ATM: variants seen among roughly 807,000 people sequenced by gnomAD.
The protein encoded by ATM is serine-protein kinase ATM.
In ATM, 308 loss-of-function variants were observed where a neutral mutation model predicts 387.0. That is an observed-to-expected ratio of 0.80 (90% confidence interval 0.73 to 0.87). The LOEUF (loss-of-function observed/expected upper bound fraction) is 0.87, where lower values mean the gene tolerates loss of function less well. ATM is among the 40% of genes least tolerant of loss of function. The probability of loss-of-function intolerance (pLI) is 0.00; values close to 1 mark genes in which losing one functional copy is unlikely to be tolerated. For missense variants in ATM, 3,312 were observed against 3,560.9 expected (o/e 0.93, Z 1.78); for synonymous variants, 1,156 against 1,187.3 (o/e 0.97, Z 0.54).
Position 108,330,465 on chromosome 11 carries a change from CTT to C in ATM, c.7515+45_7515+46del, listed in dbSNP as rs3092832. 1,580 of 1,592,908 alleles carry C rather than the reference CTT, an allele frequency of 9.9e-4. No individual in the cohort carries two copies. The highest frequency in any genetic ancestry group is 1.3e-3 in the Non-Finnish European group (1,489 of 1,161,184). On this transcript the variant is annotated intron_variant, in intron 50 of 62. Transcript: ENST00000675843. The stretch of plus-strand genomic sequence containing the variant: ...AATATTCTACCCTGTGCTTGAAAAA[CTT>C]AGACATAAGCCCCTTGATGTCAGGA...
chr11:108,315,534 G>A (rs984969344), intron 40 of ATM, among the ~76,000 whole-genome samples: 3 of 151,734 alleles, frequency 2.0e-5, no homozygotes, highest in Admixed American at 6.6e-5. Flanking sequence ...TTTTTCAGTA[G>A]TTCTAAACTG....
At chr11:108,257,644 G>C (rs2135409247) in intron 15 of ATM, 38 bp downstream of exon 15, 1 of 1,598,138 alleles carries the variant, frequency 6.3e-7, no homozygotes, top group East Asian at 2.2e-5. Flanking sequence ...TTTTGAGATA[G>C]GATCTTTCTC....
In ATM at chr11:108,248,947, T is replaced by G. The variant is rs199869975; in HGVS notation, c.1080T>G (p.Asp360Glu). Residue 360 changes from aspartate to glutamate, a missense_variant, in exon 9 of 63, where the codon GAT becomes GAG. By Grantham distance (45) the Asp-to-Glu change is conservative (BLOSUM62 2). This residue lies in a region of ATM where 1,791 missense variants were observed against 1,804.5 expected (regional missense o/e 0.99). Coordinates refer to ENST00000675843, the MANE Select transcript of ATM (RefSeq NM_000051.4). Reference protein sequence around the residue: ...ADICHQVFNEDTRSLEISQSY... With the variant: ...ADICHQVFNEETRSLEISQSY... ...TTATTTTACAGGTTTTTAATGAAGA[T>G]ACCAGATCCTTGGAGATTTCTCAAT... The G allele has an allele frequency of 2.5e-6, 4 of 1,609,270 alleles. No homozygotes were observed. Among genetic ancestry groups the G allele is most frequent in the Admixed American group, 1.7e-5 (1 of 59,740 alleles).
chr11:108,309,177 C>T, intron 38 of ATM: 1 of 589,056 alleles, frequency 1.7e-6, no homozygotes, highest in Middle Eastern at 4.5e-4. Flanking sequence ...GTATGTTGGG[C>T]AAAAACAAAG....
chr11:108,333,825 T>G (rs1161015268), intron 53 of ATM, 61 bp from the exon 54 acceptor site: 13 of 1,324,764 alleles, frequency 9.8e-6, no homozygotes, highest in Non-Finnish European at 1.1e-5. Flanking sequence ...TGACTATTCC[T>G]GCTTGACCTT....
At chr11:108,272,353 C>G (rs1044961791) in intron 20 of ATM, among the ~76,000 whole-genome samples, 179 bp from the exon 21 acceptor site, 1 of 152,186 alleles carries the variant, frequency 6.6e-6, no homozygotes, top group African/African-American at 2.4e-5. Flanking sequence ...TTCTTTTACA[C>G]TAATTTCTTT....
chr11:108,233,855 A>G (rs565348681), intron 4 of ATM, among the ~76,000 whole-genome samples: 5 of 139,774 alleles, frequency 3.6e-5, no homozygotes, highest in Non-Finnish European at 8.0e-5. Flanking sequence ...TCTCAAAAAC[A>G]AGCAAAACTA....
At chr11:108,233,569 CAAAAAAAAAAA>C (rs531411723) in intron 4 of ATM, among the ~76,000 whole-genome samples, 4 of 50,922 alleles carry the variant, frequency 7.9e-5, no homozygotes, top group Non-Finnish European at 1.6e-4. Context: ...ATCCTGTGTC[CAAAAAAAAAAA>C]AAAAAAAAAA....
Position 108,284,384 on chromosome 11 carries a change from G to A in ATM, c.3904G>A (p.Gly1302Ser), listed in dbSNP as rs2135707999. The change falls in exon 26 of 63, where the codon GGT (glycine) becomes AGT (serine). Residue 1302 changes from glycine (G) to serine (S), a missense_variant. Around this residue, in one of 4 missense-constraint regions of ATM, gnomAD observed 1,791 missense variants for 1,804.5 expected, o/e 0.99. Coordinates refer to ENST00000675843, the MANE Select transcript of ATM (RefSeq NM_000051.4). ...TATTCTTCCTTATTTTGCCTATGAGGGTACCAGAGACAGTGGGATGGCACA... is the reference window on the plus strand; with the variant it reads ...TATTCTTCCTTATTTTGCCTATGAGAGTACCAGAGACAGTGGGATGGCACA... Reference protein sequence around the residue: ...VNILPYFAYEGTRDSGMAQQR... With the variant: ...VNILPYFAYESTRDSGMAQQR... 2 of 1,613,826 alleles carry A rather than the reference G, an allele frequency of 1.2e-6. No homozygotes were observed. Among genetic ancestry groups the A allele is most frequent in the Non-Finnish European group, 1.7e-6 (2 of 1,179,910 alleles).
At chr11:108,256,446 C>A (rs2135397064) in intron 14 of ATM, 106 bp downstream of exon 14, 2 of 1,185,994 alleles carry the variant, frequency 1.7e-6, no homozygotes, top group Non-Finnish European at 2.4e-6. Flanking sequence ...TGCAGGTTAA[C>A]CCTTTCTCTT....
intron 23 of ATM, 134 bp from the exon 24 acceptor site, chr11:108,280,861 A>G (rs775154993): frequency 2.0e-5 from 15 of 744,926 alleles, no homozygotes; most frequent in Non-Finnish European, 3.0e-5. Context: ...AAAAGACAGA[A>G]CTAGGATTAG....
In ATM at chr11:108,295,030, A is replaced by T. The variant is rs786203857; in HGVS notation, c.4880A>T (p.Gln1627Leu). ...LRRQLELHKD[Q>L]MVDIMRASQD... ...AGACAACTGGAACTACATAAAGATCAGATGGTGGACATTATGAGAGCTTCT... is the reference window on the plus strand; with the variant it reads ...AGACAACTGGAACTACATAAAGATCTGATGGTGGACATTATGAGAGCTTCT... The change falls in exon 32 of 63, where the codon CAG becomes CTG. Residue 1627 changes from glutamine (Q) to leucine (L), a missense_variant. Coordinates refer to ENST00000675843, the MANE Select transcript of ATM (RefSeq NM_000051.4). 2 of 1,613,878 alleles carry T rather than the reference A, an allele frequency of 1.2e-6. No individual in the cohort carries two copies. The highest frequency in any genetic ancestry group is 1.7e-6 in the Non-Finnish European group (2 of 1,179,916).
In ATM at chr11:108,332,765, C is replaced by T. The variant is rs138941496; in HGVS notation, c.7792C>T (p.Arg2598Ter). 4 of 1,612,056 alleles carry T rather than the reference C, an allele frequency of 2.5e-6. No homozygotes were observed. The highest frequency in any genetic ancestry group is 1.7e-5 in the Admixed American group (1 of 59,960). The change falls in exon 53 of 63, where the codon CGA becomes TGA. Residue 2598 changes from arginine (R) to a stop codon, truncating the protein, a stop_gained. Coordinates refer to ENST00000675843, the MANE Select transcript of ATM (RefSeq NM_000051.4). LOFTEE classifies it high-confidence loss of function. ...PKQSSQLDED[R>*]TEAANRIICT... ...GTTTTTTGTTTTTTATTAATAGGAT[C>T]GAACAGAGGCTGCAAATAGAATAAT...
In ATM at chr11:108,284,265, G is replaced by T. The variant is rs786203618; in HGVS notation, c.3785G>T (p.Arg1262Ile). The part of the protein sequence containing the change: ...YKVLIPHLVI[R>I]SHFDEVKSIA... ...GTTTTGATTCCACATCTGGTGATTA[G>T]AAGTCATTTTGATGAGGTGAAGTCC... Residue 1262 changes from arginine to isoleucine, a missense_variant, in exon 26 of 63, where the codon AGA (arginine) becomes ATA (isoleucine). Transcript: ENST00000675843. 1.2e-5 allele frequency: 19 copies of T among 1,612,598 alleles called. No individual in the cohort carries two copies. Among genetic ancestry groups the T allele is most frequent in the Non-Finnish European group, 1.6e-5 (19 of 1,178,792 alleles).
chr11:108,321,664 T>C (rs1307253248), intron 45 of ATM, among the ~76,000 whole-genome samples: 5 of 151,812 alleles, frequency 3.3e-5, no homozygotes, highest in Non-Finnish European at 5.9e-5. Context: ...GCGCCTGTAA[T>C]CTCAGCTATT....
intron 29 of ATM, among the ~76,000 whole-genome samples, chr11:108,292,167 T>C (rs928220151): frequency 6.6e-6 from 1 of 152,230 alleles, no homozygotes; most frequent in African/African-American, 2.4e-5. Context: ...TTGCAACTAA[T>C]CTACTTAGCT....
Position 108,279,516 on chromosome 11 carries a change from TC to T in ATM, c.3311del (p.Ser1104PhefsTer5). On this transcript the variant is annotated frameshift_variant, in exon 23 of 63. Transcript: ENST00000675843. LOFTEE classifies it high-confidence loss of function. ...NRLFQDTKGDSSRLLKALPLK... is the reference protein window; with the variant it reads ...NRLFQDTKGDXSRLLKALPLK... ...ATTGTTCCAGGACACGAAGGGAGAT[TC>T]TTCCAGGTTACTGAAAGCACTTCCT... 6.2e-7 allele frequency: 1 copy of T among 1,612,762 alleles called. No homozygotes were observed. The highest frequency in any genetic ancestry group is 8.5e-7 in the Non-Finnish European group (1 of 1,179,158).
At chr11:108,243,805 G>C in intron 5 of ATM, 148 bp from the exon 6 acceptor site, 1 of 715,020 alleles carries the variant, frequency 1.4e-6, no homozygotes, top group East Asian at 2.8e-5. Context: ...AATACTGATG[G>C]AGTACTTTTA....
chr11:108,227,913 T>A, intron 3 of ATM, 25 bp downstream of exon 3: 1 of 1,556,174 alleles, frequency 6.4e-7, no homozygotes, highest in Non-Finnish European at 8.8e-7. Flanking sequence ...TTTATTTTAC[T>A]GTCTTTATTT....
Sources: allele counts gnomAD v4.1 joint callset (sites outside exome capture counted in the v4.1 genomes callset), GRCh38; gene constraint gnomAD v4.1.1; regional missense constraint gnomAD v4.1.1; transcripts MANE v1.5; gene names NCBI Gene and HGNC (gene_info 2026-07-23, HGNC 2026-07-21).